Variants in RPS27L observed in about 807,000 individuals in gnomAD.
The protein encoded by RPS27L is ribosomal protein eS27-like.
RPS27L carries 10 observed loss-of-function variants against 12.8 expected under a neutral mutation model. The observed-to-expected ratio is 0.78, with a 90% CI of 0.48 to 1.33. The LOEUF is 1.33. Ranked by LOEUF, RPS27L falls within the 40% of genes most tolerant of loss-of-function variation. The pLI is 0.00. For synonymous variants in RPS27L, 26 were observed against 32.3 expected (o/e 0.81, Z 0.66); for missense variants, 81 against 97.4 (o/e 0.83, Z 0.71).
chr15:63,155,524 T>C, intron 3 of RPS27L, 97 bp downstream of exon 3: 1 of 741,864 alleles, frequency 1.3e-6, no homozygotes, highest in Non-Finnish European at 2.3e-6. Flanking sequence ...TAAGTTATTT[T>C]GGTAATCATT....
rs541712475 is a variant in RPS27L, at chr15:63,157,457, A to G, written c.-52T>C. 4 of 1,608,660 alleles carry G rather than the reference A, an allele frequency of 2.5e-6. No homozygotes were observed. In the African/African-American group the frequency reaches 5.3e-5, roughly 21 times the overall value. ...ACCAGACCTCCCAGCCCACACAGCT[A>G]GCAAGCTGCAAGCGATCTGCGCTCG... On this transcript the variant is annotated 5_prime_UTR_variant, in exon 1 of 4. Coordinates refer to ENST00000330964, the MANE Select transcript of RPS27L (RefSeq NM_015920.4).
Position 63,157,464 on chromosome 15 carries a change from T to G in RPS27L, c.-59A>C. The G allele has an allele frequency of 8.1e-6, 13 of 1,606,726 alleles. No individual in the cohort carries two copies. The South Asian group carries it at 1.4e-4, about 18-fold the overall frequency. ...CTCCCAGCCCACACAGCTAGCAAGC[T>G]GCAAGCGATCTGCGCTCGGCATCAA... On this transcript the variant is annotated 5_prime_UTR_variant, in exon 1 of 4. Transcript: ENST00000330964.
At position 63,153,851 on chromosome 15, in the gene RPS27L, G is replaced by A. The variant is rs1595722086; in HGVS notation, c.*181C>T. On this transcript the variant is annotated 3_prime_UTR_variant, in exon 4 of 4. Transcript: ENST00000330964. ...ATATTTTAAAAAAAGAAAAAGAGGGGATTTGCCCATAATCAAAACTTTATT... is the reference window on the plus strand; with the variant it reads ...ATATTTTAAAAAAAGAAAAAGAGGGAATTTGCCCATAATCAAAACTTTATT... 1 of 580,224 alleles carries A rather than the reference G, an allele frequency of 1.7e-6. No individual in the cohort carries two copies. Among genetic ancestry groups the A allele is most frequent in the Admixed American group, 3.4e-5 (1 of 29,632 alleles). 35.9% of individuals were successfully genotyped at this position (580,224 alleles called of 1,614,324 possible).
intron 3 of RPS27L, chr15:63,154,463 C>T (rs948404808): frequency 6.2e-6 from 1 of 161,286 alleles, no homozygotes; most frequent in African/African-American, 2.4e-5. Flanking sequence ...ACAGATAGAC[C>T]CATTAAACCA....
At position 63,152,488 on chromosome 15, in the gene RPS27L, A is replaced by ATATT. The variant is rs1555417886; in HGVS notation, c.*1543_*1544insAATA. ...TCTACATATATATGTATATATATATATTTTTTTTTTCTTTTTTTTTTTGAG... is the reference window on the plus strand; with the variant it reads ...TCTACATATATATGTATATATATATATATTTTTTTTTTTTCTTTTTTTTTTTGAG... On this transcript the variant is annotated 3_prime_UTR_variant, in exon 4 of 4. Coordinates refer to ENST00000330964, the MANE Select transcript of RPS27L (RefSeq NM_015920.4). 7.1e-5 allele frequency: 10 copies of ATATT among 141,462 alleles called. No homozygotes were observed. The highest frequency in any genetic ancestry group is 4.5e-4 in the South Asian group (2 of 4,436). 8.8% of individuals were successfully genotyped at this position (141,462 alleles called of 1,614,324 possible). A position where few individuals can be genotyped will look rare whatever the true frequency, so the allele number is the denominator to read the frequency against.
intron 3 of RPS27L, 121 bp from the exon 4 acceptor site, chr15:63,154,181 A>G: frequency 1.3e-6 from 1 of 745,464 alleles, no homozygotes; most frequent in East Asian, 2.6e-5. Context: ...TAATACTCAT[A>G]TACAGATTAT....
At chr15:63,154,120 ATG>A in intron 3 of RPS27L, 60 bp from the exon 4 acceptor site, 2 of 1,406,420 alleles carry the variant, frequency 1.4e-6, no homozygotes, top group Admixed American at 1.9e-5. Context: ...TATAATTTTA[ATG>A]ACAAAAAGTA....
At position 63,149,006 on chromosome 15, in the gene RPS27L, C is replaced by G. The variant is rs915861487; in HGVS notation, c.*5026G>C. ...CCCGAGTAGCTGGGACTACAGGCGC[C>G]CGACACCACGCCCAGCTAATTTTTG... On this transcript the variant is annotated 3_prime_UTR_variant, in exon 4 of 4. Coordinates refer to ENST00000330964, the MANE Select transcript of RPS27L (RefSeq NM_015920.4). The G allele has an allele frequency of 2.0e-5, 3 of 151,882 alleles. No individual in the cohort carries two copies. Among genetic ancestry groups the G allele is most frequent in the Admixed American group, 6.6e-5 (1 of 15,216 alleles). The allele number at this position is 151,882 out of a possible 1,614,324, so 9.4% of individuals were successfully genotyped here. A position where few individuals can be genotyped will look rare whatever the true frequency, so the allele number is the denominator to read the frequency against.
chr15:63,157,185 C>T, intron 1 of RPS27L: 2 of 614,134 alleles, frequency 3.3e-6, no homozygotes, highest in Non-Finnish European at 5.8e-6. Flanking sequence ...CAGCCACCGC[C>T]TCTGAATTGC....
At chr15:63,155,341 GTAGT>G (rs1411870137) in intron 3 of RPS27L, 12 of 384,824 alleles carry the variant, frequency 3.1e-5, no homozygotes, top group African/African-American at 1.2e-4. Flanking sequence ...CCTATAACAT[GTAGT>G]TATTCTTTTG....
At position 63,150,791 on chromosome 15, in the gene RPS27L, C is replaced by T. The variant is rs1389756306; in HGVS notation, c.*3241G>A. The T allele has an allele frequency of 3.3e-5, 5 of 152,222 alleles. No individual in the cohort carries two copies. The highest frequency in any genetic ancestry group is 1.2e-4 in the African/African-American group (5 of 41,426). 9.4% of individuals were successfully genotyped at this position (152,222 alleles called of 1,614,324 possible). A position where few individuals can be genotyped will look rare whatever the true frequency, so the allele number is the denominator to read the frequency against. On this transcript the variant is annotated 3_prime_UTR_variant, in exon 4 of 4. Transcript: ENST00000330964. ...AAGTAGCTGGGACTACAGGCGCCCA[C>T]CACCATGCCCGGCTAATTTTTTGTA...
At position 63,148,508 on chromosome 15, in the gene RPS27L, T is replaced by C. The variant is rs755380945; in HGVS notation, c.*5524A>G. On this transcript the variant is annotated 3_prime_UTR_variant, in exon 4 of 4. Coordinates refer to ENST00000330964, the MANE Select transcript of RPS27L (RefSeq NM_015920.4). ...AAAGACTTTCATAGACACAAAACAC[T>C]GAGCAGGGCTGAAGCTGAGGGTCTG... 6.6e-6 allele frequency: 1 copy of C among 152,186 alleles called. No homozygotes were observed. The highest frequency in any genetic ancestry group is 2.4e-5 in the African/African-American group (1 of 41,440). 9.4% of individuals were successfully genotyped at this position (152,186 alleles called of 1,614,324 possible).
intron 3 of RPS27L, chr15:63,155,218 G>A (rs2037324325): frequency 1.3e-5 from 2 of 152,800 alleles, no homozygotes; most frequent in Non-Finnish European, 2.9e-5. Flanking sequence ...AACCGGGGAG[G>A]CAGAAGTTGC....
chr15:63,156,890 G>A (rs1245444040), intron 1 of RPS27L: 2 of 431,410 alleles, frequency 4.6e-6, no homozygotes, highest in African/African-American at 4.2e-5. Flanking sequence ...TGCTGAAGTA[G>A]ACCAGACAAC....
chr15:63,157,253 C>G (rs2037338534), intron 1 of RPS27L, 147 bp downstream of exon 1: 1 of 903,342 alleles, frequency 1.1e-6, no homozygotes, highest in African/African-American at 1.6e-5. Flanking sequence ...CACTACATGC[C>G]CGCCACGCGC....
rs1279389795 is a variant in RPS27L, at chr15:63,148,451, A to G, written c.*5581T>C. 1.3e-5 allele frequency: 2 copies of G among 152,220 alleles called. No homozygotes were observed. Among genetic ancestry groups the G allele is most frequent in the Non-Finnish European group, 2.9e-5 (2 of 68,036 alleles). The allele number at this position is 152,220 out of a possible 1,614,324, so 9.4% of individuals were successfully genotyped here. A position where few individuals can be genotyped will look rare whatever the true frequency, so the allele number is the denominator to read the frequency against. On this transcript the variant is annotated 3_prime_UTR_variant, in exon 4 of 4. Transcript: ENST00000330964. ...AACCCCTCTGTTCTAAATACATAGC[A>G]TGATATATAAAATGTGTAATGAGAA...
In RPS27L at chr15:63,154,686, A is replaced by G. The variant is rs549939445; in HGVS notation, c.227-626T>C. The G allele has an allele frequency of 2.6e-5, 4 of 152,336 alleles. No homozygotes were observed. The South Asian group carries it at 8.3e-4, about 32-fold the overall frequency. 9.4% of individuals were successfully genotyped at this position (152,336 alleles called of 1,614,324 possible). On this transcript the variant is annotated intron_variant, in intron 3 of 3. Coordinates refer to ENST00000330964, the MANE Select transcript of RPS27L (RefSeq NM_015920.4). ...CTCTTCCAGTGAGAGCATGGAACTTACAGCTCCCCAAAATATCACAAGCAA... is the reference window on the plus strand; with the variant it reads ...CTCTTCCAGTGAGAGCATGGAACTTGCAGCTCCCCAAAATATCACAAGCAA...
chr15:63,157,456 T>C lies in RPS27L; in HGVS notation c.-51A>G. ...TACCAGACCTCCCAGCCCACACAGC[T>C]AGCAAGCTGCAAGCGATCTGCGCTC... On this transcript the variant is annotated 5_prime_UTR_variant, in exon 1 of 4. Coordinates refer to ENST00000330964, the MANE Select transcript of RPS27L (RefSeq NM_015920.4). 2 of 1,610,156 alleles carry C rather than the reference T, an allele frequency of 1.2e-6. No homozygotes were observed. Among genetic ancestry groups the C allele is most frequent in the South Asian group, 1.1e-5 (1 of 90,996 alleles).
chr15:63,150,456 A>C lies in RPS27L; in HGVS notation c.*3576T>G, dbSNP rs1236841098. Reference sequence around the variant, plus strand: ...TAGTAATGGTTGCACAACCTTGTAAATATAGTAAAAACTACTGACTTTTAC... The same window carrying C: ...TAGTAATGGTTGCACAACCTTGTAACTATAGTAAAAACTACTGACTTTTAC... On this transcript the variant is annotated 3_prime_UTR_variant, in exon 4 of 4. Transcript: ENST00000330964. The C allele has an allele frequency of 6.6e-6, 1 of 152,228 alleles. No homozygotes were observed. The highest frequency in any genetic ancestry group is 1.9e-4 in the East Asian group (1 of 5,202). 9.4% of individuals were successfully genotyped at this position (152,228 alleles called of 1,614,324 possible). A position where few individuals can be genotyped will look rare whatever the true frequency, so the allele number is the denominator to read the frequency against.
Sources: allele counts gnomAD v4.1 joint callset, GRCh38; gene constraint gnomAD v4.1.1; transcripts MANE v1.5; gene names NCBI Gene and HGNC (gene_info 2026-07-23, HGNC 2026-07-21).